ADGRV1: variants seen among roughly 807,000 people sequenced by gnomAD.
The protein encoded by ADGRV1 is G-protein coupled receptor 98.
A neutral mutation model predicts 596.2 loss-of-function variants in ADGRV1; 359 were observed. The observed-to-expected ratio is 0.60, with a 90% CI of 0.55 to 0.66. The LOEUF is 0.66. Ranked by LOEUF, ADGRV1 falls within the 30% of genes least tolerant of loss-of-function variation. ADGRV1 has a pLI of 0.00. For missense variants in ADGRV1, 7,274 were observed against 7,575.6 expected (o/e 0.96, Z 1.48); for synonymous variants, 2,681 against 2,679.2 (o/e 1.00, Z -0.02).
intron 1 of ADGRV1, among the ~76,000 whole-genome samples, chr5:90,576,909 A>T (rs928706163): frequency 1.3e-5 from 2 of 152,022 alleles, no homozygotes; most frequent in Admixed American, 6.6e-5. Context: ...TGCATCAGTG[A>T]CTTCTTTTGA....
intron 21 of ADGRV1, among the ~76,000 whole-genome samples, chr5:90,668,196 C>T (rs1771813349): frequency 6.6e-6 from 1 of 151,910 alleles, no homozygotes; most frequent in African/African-American, 2.4e-5. Flanking sequence ...ATGGCGGGCG[C>T]CCCTCCCCCA....
chr5:91,022,586 T>C (rs1333150727), intron 85 of ADGRV1, among the ~76,000 whole-genome samples: 1 of 152,148 alleles, frequency 6.6e-6, no homozygotes, highest in Non-Finnish European at 1.5e-5. Flanking sequence ...TTTGTAGTCT[T>C]ATTTATGTAA....
At position 90,576,683 on chromosome 5, in the gene ADGRV1, C is replaced by T. The variant is rs547032443; in HGVS notation, c.22+17766C>T. On this transcript the variant is annotated intron_variant, in intron 1 of 89. Transcript: ENST00000405460. ...TTCTTGTTCTAGATGCTTGAGGAATCGCCACATTGTCTTCCACAATGGTTG... is the reference window on the plus strand; with the variant it reads ...TTCTTGTTCTAGATGCTTGAGGAATTGCCACATTGTCTTCCACAATGGTTG... Among the ~76,000 whole-genome samples the T allele has an allele frequency of 1.3e-4, 20 of 152,302 alleles. No homozygotes were observed. The South Asian group carries it at 2.1e-3, about 16-fold the overall frequency.
In ADGRV1 at chr5:90,960,164, A is replaced by G. The variant is rs545346787; in HGVS notation, c.17857-5251A>G. Among the ~76,000 whole-genome samples, 17 of 150,244 alleles carry G rather than the reference A, an allele frequency of 1.1e-4. No homozygotes were observed. The South Asian group carries it at 3.4e-3, about 30-fold the overall frequency. ...AAAAAAAAAAAAAAACAAAAAACAG[A>G]TCAGTGTATGCCTAGGGTGGTAGGG... On this transcript the variant is annotated intron_variant, in intron 83 of 89. Coordinates refer to ENST00000405460, the MANE Select transcript of ADGRV1 (RefSeq NM_032119.4).
chr5:90,781,665 G>T, intron 65 of ADGRV1, 87 bp downstream of exon 65: 1 of 1,279,162 alleles, frequency 7.8e-7, no homozygotes, highest in Non-Finnish European at 1.1e-6. Flanking sequence ...AATTGTTTTA[G>T]TTTGGTGTGG....
At chr5:90,574,718 G>C (rs1005164074) in intron 1 of ADGRV1, among the ~76,000 whole-genome samples, 1 of 152,134 alleles carries the variant, frequency 6.6e-6, no homozygotes, top group African/African-American at 2.4e-5. Flanking sequence ...ATCTGGTCCA[G>C]GATATGTTTT....
intron 87 of ADGRV1, among the ~76,000 whole-genome samples, chr5:91,109,604 G>A (rs1364190828): frequency 2.0e-5 from 3 of 152,254 alleles, no homozygotes; most frequent in African/African-American, 4.8e-5. Context: ...GGCTGCCACG[G>A]TGCAAGACTC....
chr5:90,975,849 A>G (rs986316408), intron 84 of ADGRV1, among the ~76,000 whole-genome samples: 6 of 109,210 alleles, frequency 5.5e-5, no homozygotes, highest in South Asian at 5.9e-4. Flanking sequence ...ACTTAAAAGT[A>G]TAATAATAAA....
At chr5:90,885,185 T>C (rs1227398360) in intron 83 of ADGRV1, among the ~76,000 whole-genome samples, 1 of 152,198 alleles carries the variant, frequency 6.6e-6, no homozygotes, top group Non-Finnish European at 1.5e-5. Flanking sequence ...TCTCTGTAGA[T>C]TTTTCACAAG....
chr5:90,854,821 A>G (rs992358271), intron 81 of ADGRV1, among the ~76,000 whole-genome samples: 1 of 152,154 alleles, frequency 6.6e-6, no homozygotes, highest in African/African-American at 2.4e-5. Context: ...TTATTACTGA[A>G]TTTCAGCCAC....
intron 17 of ADGRV1, among the ~76,000 whole-genome samples, chr5:90,648,569 GTTCCAC>G (rs753932216): frequency 2.5e-4 from 38 of 152,306 alleles, no homozygotes; most frequent in Non-Finnish European, 3.8e-4. Context: ...CCAACGTTGT[GTTCCAC>G]CTTGTGCCTT....
chr5:91,100,307 A>C (rs2126637169), intron 86 of ADGRV1, among the ~76,000 whole-genome samples: 1 of 152,256 alleles, frequency 6.6e-6, no homozygotes, highest in East Asian at 1.9e-4. Context: ...CTATAGTTTC[A>C]GCTACTTGGG....
chr5:91,075,506 A>C (rs1050195023), intron 86 of ADGRV1, among the ~76,000 whole-genome samples: 1 of 152,126 alleles, frequency 6.6e-6, no homozygotes, highest in African/African-American at 2.4e-5. Flanking sequence ...TATAAGGCAA[A>C]AGTTCCAGCA....
chr5:90,778,450 G>A lies in ADGRV1; in HGVS notation c.12690G>A (p.Glu4230=). The A allele has an allele frequency of 6.2e-7, 1 of 1,612,668 alleles. No homozygotes were observed. The highest frequency in any genetic ancestry group is 8.5e-7 in the Non-Finnish European group (1 of 1,179,328). The change falls in exon 63 of 90, where the codon GAG becomes GAA. Residue 4230 remains glutamate, a synonymous_variant. Transcript: ENST00000405460. ...VIQALNDDIP[E]EKSFYEFQLT... The stretch of plus-strand genomic sequence containing the variant: ...AGGCTTTGAACGATGACATTCCCGA[G>A]GAAAAAAGCTTCTATGAGTTTCAGC...
chr5:90,591,693 A>G (rs1284813819), intron 1 of ADGRV1, among the ~76,000 whole-genome samples: 1 of 152,190 alleles, frequency 6.6e-6, no homozygotes, highest in African/African-American at 2.4e-5. Flanking sequence ...TTGTGTTAGT[A>G]GCTAAAAATA....
chr5:91,147,832 G>A (rs959110718), intron 87 of ADGRV1, among the ~76,000 whole-genome samples: 4 of 152,168 alleles, frequency 2.6e-5, no homozygotes, highest in African/African-American at 9.7e-5. Context: ...GGAGGGCTCA[G>A]AAGAAGACAG....
At chr5:90,900,969 A>G (rs962042450) in intron 83 of ADGRV1, among the ~76,000 whole-genome samples, 15 of 151,982 alleles carry the variant, frequency 9.9e-5, no homozygotes, top group African/African-American at 3.4e-4. Context: ...GACTAATCCC[A>G]TTTTTGTCCT....
chr5:91,158,778 C>T (rs1038970951), intron 89 of ADGRV1, among the ~76,000 whole-genome samples: 1 of 152,092 alleles, frequency 6.6e-6, no homozygotes, highest in Admixed American at 6.5e-5. Flanking sequence ...GGATTCATCT[C>T]AGTATCCCTG....
chr5:90,686,804 T>C (rs945539746), intron 29 of ADGRV1, among the ~76,000 whole-genome samples: 49 of 152,274 alleles, frequency 3.2e-4, no homozygotes, highest in Non-Finnish European at 4.7e-4. Context: ...ACTTCCACAA[T>C]GGTTGAACTA....
Sources: allele counts gnomAD v4.1 joint callset (sites outside exome capture counted in the v4.1 genomes callset), GRCh38; gene constraint gnomAD v4.1.1; transcripts MANE v1.5; gene names NCBI Gene and HGNC (gene_info 2026-07-23, HGNC 2026-07-21).